CAMKMT: variants seen among roughly 807,000 people sequenced by gnomAD.
CAMKMT encodes the protein calmodulin-lysine N-methyltransferase, also known as CaM KMT.
A neutral mutation model predicts 48.0 loss-of-function variants in CAMKMT; 53 were observed. The ratio of observed to expected loss-of-function variants is 1.10; its 90% CI spans 0.89 to 1.39. The LOEUF is 1.39. CAMKMT is among the 40% of genes most tolerant of loss of function. The pLI is 0.00. For synonymous variants in CAMKMT, 165 were observed against 152.3 expected (o/e 1.08, Z -0.61); for missense variants, 428 against 402.7 (o/e 1.06, Z -0.54).
At chr2:44,545,681 C>CT (rs71393283) in intron 3 of CAMKMT, among the ~76,000 whole-genome samples, 4,620 of 135,626 alleles carry the variant, frequency 0.034, 217 homozygotes, top group African/African-American at 0.11. Context: ...TAGACTCGGT[C>CT]TTTTTTTTTT....
At position 44,714,349 on chromosome 2, in the gene CAMKMT, T is replaced by TA. The variant is rs771867926; in HGVS notation, c.557-937dup. Among the ~76,000 whole-genome samples, 7 of 152,122 alleles carry TA rather than the reference T, an allele frequency of 4.6e-5. 1 individual carries two copies. Among genetic ancestry groups the TA allele is most frequent in the Non-Finnish European group, 1.0e-4 (7 of 68,014 alleles). On this transcript the variant is annotated intron_variant, in intron 6 of 10. Transcript: ENST00000378494. ...ATTTTTTCCAACAGGCCCTTGTAAA[T>TA]ATGGCGCTGGGTGATGTAATGAACC...
At chr2:44,658,301 A>G (rs1337647896) in intron 3 of CAMKMT, among the ~76,000 whole-genome samples, 1 of 152,230 alleles carries the variant, frequency 6.6e-6, no homozygotes, top group East Asian at 1.9e-4. Context: ...GAGCACTAAA[A>G]ATATCTTTGT....
chr2:44,480,129 G>T (rs960219488), intron 3 of CAMKMT, among the ~76,000 whole-genome samples: 1 of 152,156 alleles, frequency 6.6e-6, no homozygotes, highest in Non-Finnish European at 1.5e-5. Flanking sequence ...GAACCAAATT[G>T]TAGCACCTAT....
At chr2:44,381,908 A>G (rs1183731717) in intron 2 of CAMKMT, among the ~76,000 whole-genome samples, 1 of 139,204 alleles carries the variant, frequency 7.2e-6, no homozygotes, top group East Asian at 2.1e-4. Flanking sequence ...TCAATACTGT[A>G]TTGTTGATAA....
At chr2:44,566,204 C>T (rs1171987213) in intron 3 of CAMKMT, among the ~76,000 whole-genome samples, 1 of 152,116 alleles carries the variant, frequency 6.6e-6, no homozygotes, top group Non-Finnish European at 1.5e-5. Context: ...ATTGGGATCC[C>T]CCTGGACATA....
chr2:44,634,040 C>A (rs994945706), intron 3 of CAMKMT, among the ~76,000 whole-genome samples: 1 of 151,936 alleles, frequency 6.6e-6, no homozygotes, highest in Admixed American at 6.6e-5. Context: ...TCACTGAATG[C>A]CTCTGTTATT....
chr2:44,543,900 T>C (rs1054372866), intron 3 of CAMKMT, among the ~76,000 whole-genome samples: 3 of 152,316 alleles, frequency 2.0e-5, no homozygotes, highest in South Asian at 4.1e-4. Context: ...AAAGTTAATG[T>C]AGGATAACCT....
rs550411365 is a variant in CAMKMT, at chr2:44,466,111, G to T, written c.376+75806G>T. Among the ~76,000 whole-genome samples the T allele has an allele frequency of 1.9e-4, 29 of 152,244 alleles. No individual in the cohort carries two copies. The South Asian group carries it at 6.0e-3, about 32-fold the overall frequency. ...TATTTAAATATTTCACTTTTCATAA[G>T]GGATAGATCAACTAGACAGAAGATC... On this transcript the variant is annotated intron_variant, in intron 3 of 10. Coordinates refer to ENST00000378494, the MANE Select transcript of CAMKMT (RefSeq NM_024766.5).
chr2:44,433,305 C>T (rs547039870), intron 3 of CAMKMT, among the ~76,000 whole-genome samples: 38 of 152,100 alleles, frequency 2.5e-4, no homozygotes, highest in Non-Finnish European at 4.7e-4. Flanking sequence ...TCTGGACATT[C>T]ATGACTGATG....
chr2:44,389,671 A>C (rs1681131589), intron 2 of CAMKMT, among the ~76,000 whole-genome samples: 1 of 152,210 alleles, frequency 6.6e-6, no homozygotes, highest in South Asian at 2.1e-4. Flanking sequence ...GTGTCAAGTC[A>C]AATATTTAAA....
chr2:44,398,569 T>A (rs1682070370), intron 3 of CAMKMT, among the ~76,000 whole-genome samples: 1 of 15,322 alleles, frequency 6.5e-5, no homozygotes, highest in African/African-American at 2.4e-4. Context: ...TTTCTTTTCT[T>A]TTTTTTTTTT....
chr2:44,617,057 A>T (rs994958908), intron 3 of CAMKMT, among the ~76,000 whole-genome samples: 4 of 152,202 alleles, frequency 2.6e-5, no homozygotes, highest in African/African-American at 9.7e-5. Context: ...AGTGCCGTGA[A>T]TGTCATGGGA....
intron 1 of CAMKMT, chr2:44,369,995 A>G (rs1678994009): frequency 6.6e-6 from 1 of 152,186 alleles, no homozygotes; most frequent in African/African-American, 2.4e-5. Flanking sequence ...TTCCAACTCT[A>G]TAAAATAGAA....
At chr2:44,494,690 G>T (rs1669674999) in intron 3 of CAMKMT, among the ~76,000 whole-genome samples, 2 of 152,188 alleles carry the variant, frequency 1.3e-5, no homozygotes, top group African/African-American at 4.8e-5. Context: ...AAGAACACAG[G>T]TTAGAGTTAG....
chr2:44,488,754 G>C (rs1057238911), intron 3 of CAMKMT, among the ~76,000 whole-genome samples: 2 of 151,870 alleles, frequency 1.3e-5, no homozygotes, highest in African/African-American at 4.8e-5. Flanking sequence ...TTTGTAAAGT[G>C]ATGTTCAGTT....
At chr2:44,604,569 T>G (rs1671180388) in intron 3 of CAMKMT, among the ~76,000 whole-genome samples, 1 of 151,794 alleles carries the variant, frequency 6.6e-6, no homozygotes, top group South Asian at 2.1e-4. Flanking sequence ...TTTTTTTTTT[T>G]TTTTTAACAT....
intron 3 of CAMKMT, among the ~76,000 whole-genome samples, chr2:44,593,305 G>A (rs1670425168): frequency 6.6e-6 from 1 of 152,116 alleles, no homozygotes; most frequent in South Asian, 2.1e-4. Context: ...CTTTCTGATA[G>A]GTCTTTCCCT....
At chr2:44,506,835 T>C (rs2104756765) in intron 3 of CAMKMT, among the ~76,000 whole-genome samples, 1 of 152,326 alleles carries the variant, frequency 6.6e-6, no homozygotes, top group African/African-American at 2.4e-5. Context: ...ATGTGTTAGC[T>C]AATATTACTT....
intron 9 of CAMKMT, among the ~76,000 whole-genome samples, chr2:44,754,968 AGT>A (rs1044027079): frequency 1.3e-5 from 2 of 152,144 alleles, no homozygotes; most frequent in Non-Finnish European, 2.9e-5. Context: ...AGAACACTGA[AGT>A]GTGTGTGTGT....
Sources: gnomAD v4.1 joint callset for allele counts (sites outside exome capture counted in the v4.1 genomes callset) on GRCh38, gnomAD v4.1.1 for gene constraint, MANE v1.5 for transcripts, NCBI Gene and HGNC (gene_info 2026-07-23, HGNC 2026-07-21) for gene names.